NUP54: variants seen among roughly 807,000 people sequenced by gnomAD.
NUP54 encodes nucleoporin 54, also known as nucleoporin p54.
A neutral mutation model predicts 66.4 loss-of-function variants in NUP54; 27 were observed. The observed-to-expected ratio is 0.41, with a 90% CI of 0.30 to 0.56. The LOEUF is 0.56. Ranked by LOEUF, NUP54 falls within the 20% of genes least tolerant of loss-of-function variation. The pLI is 0.34. For synonymous variants in NUP54, 206 were observed against 210.7 expected (o/e 0.98, Z 0.19); for missense variants, 486 against 596.3 (o/e 0.82, Z 1.93).
intron 6 of NUP54, chr4:76,132,314 A>G: frequency 2.9e-6 from 1 of 344,144 alleles, no homozygotes; most frequent in Non-Finnish European, 5.1e-6. Context: ...CTATTTCTCA[A>G]AATTTCTATT....
chr4:76,123,463 C>A (rs896021316), intron 9 of NUP54, among the ~76,000 whole-genome samples: 2 of 152,036 alleles, frequency 1.3e-5, no homozygotes, highest in Non-Finnish European at 2.9e-5. Flanking sequence ...AATAAAACTT[C>A]CTCTGAGTTC....
intron 5 of NUP54, 59 bp downstream of exon 5, chr4:76,134,116 A>G: frequency 8.2e-7 from 1 of 1,219,084 alleles, no homozygotes; most frequent in Non-Finnish European, 1.1e-6. Flanking sequence ...ATTATTGATC[A>G]CTCCCTTAGG....
intron 8 of NUP54, among the ~76,000 whole-genome samples, chr4:76,125,359 C>A (rs34023726): frequency 0.19 from 27,890 of 143,536 alleles, 2,700 homozygotes; most frequent in East Asian, 0.41. Flanking sequence ...CACGGCTGGG[C>A]ACAGTGGGTC....
chr4:76,145,531 A>C, intron 1 of NUP54: 1 of 1,230,502 alleles, frequency 8.1e-7, no homozygotes, highest in Non-Finnish European at 1.0e-6. Flanking sequence ...TAACTTTTCA[A>C]AGGAAGCATA....
intron 5 of NUP54, among the ~76,000 whole-genome samples, chr4:76,133,152 C>T (rs146304758): frequency 0.012 from 1,787 of 151,902 alleles, 31 homozygotes; most frequent in African/African-American, 0.039. Flanking sequence ...CCCACCTTGA[C>T]CTCCCAAAGT....
At chr4:76,145,511 C>T in intron 1 of NUP54, 2 of 1,107,372 alleles carry the variant, frequency 1.8e-6, no homozygotes, top group Non-Finnish European at 2.3e-6. Context: ...TAGTCTCTGT[C>T]AAGACTAAGT....
chr4:76,147,685 G>C, intron 1 of NUP54: 1 of 1,243,660 alleles, frequency 8.0e-7, no homozygotes, highest in Non-Finnish European at 1.0e-6. Flanking sequence ...AAAAGGGGGA[G>C]AGGGAAAAAG....
intron 4 of NUP54, among the ~76,000 whole-genome samples, chr4:76,134,724 C>T (rs1384052701): frequency 8.5e-6 from 1 of 118,124 alleles, no homozygotes; most frequent in Non-Finnish European, 1.7e-5. Context: ...TAATTTATTT[C>T]ACTATACAGA....
chr4:76,145,370 CT>C (rs143546854), intron 1 of NUP54, among the ~76,000 whole-genome samples: 3 of 149,906 alleles, frequency 2.0e-5, no homozygotes, highest in South Asian at 4.2e-4. Flanking sequence ...AATTCAACTA[CT>C]TTTTTTTGCA....
Position 76,118,162 on chromosome 4 carries a change from A to G in NUP54, c.1197T>C (p.Ser399=), listed in dbSNP as rs1479748061. The G allele has an allele frequency of 9.3e-6, 15 of 1,613,396 alleles. No individual in the cohort carries two copies. Among genetic ancestry groups the G allele is most frequent in the Non-Finnish European group, 1.3e-5 (15 of 1,179,492 alleles). The change falls in exon 10 of 12, where the codon AGT becomes AGC. Residue 399 remains serine, a synonymous_variant. Transcript: ENST00000264883. ...CTTCATCAGCCTGAATGGCATAACC[A>G]CTCTTCCTTTGAATTTCCTGTTTGA... ...VLIKQEIQRK[S]GYAIQADEEQ...
At chr4:76,140,433 G>A (rs182080580) in intron 3 of NUP54, among the ~76,000 whole-genome samples, 10 of 151,986 alleles carry the variant, frequency 6.6e-5, no homozygotes, top group African/African-American at 2.2e-4. Context: ...CTACAGGTGT[G>A]CACTACCACG....
intron 9 of NUP54, among the ~76,000 whole-genome samples, chr4:76,120,116 AT>A (rs1730164400): frequency 6.6e-6 from 1 of 152,188 alleles, no homozygotes; most frequent in Non-Finnish European, 1.5e-5. Context: ...CAATGCCATA[AT>A]AAACATTTTT....
chr4:76,125,334 A>ACG (rs1367192536), intron 8 of NUP54, among the ~76,000 whole-genome samples: 6 of 145,442 alleles, frequency 4.1e-5, no homozygotes, highest in African/African-American at 1.2e-4. Flanking sequence ...ACACACACAC[A>ACG]CACACACACA....
At chr4:76,143,960 A>G (rs1245172793) in intron 3 of NUP54, among the ~76,000 whole-genome samples, 189 bp downstream of exon 3, 1 of 152,212 alleles carries the variant, frequency 6.6e-6, no homozygotes, top group Non-Finnish European at 1.5e-5. Flanking sequence ...GGACCTTATA[A>G]TCCTAACTGT....
intron 4 of NUP54, among the ~76,000 whole-genome samples, chr4:76,135,855 C>T: frequency 6.6e-6 from 1 of 152,162 alleles, no homozygotes; most frequent in South Asian, 2.1e-4. Flanking sequence ...GTATACTCTC[C>T]TGGCCAATGT....
Position 76,134,327 on chromosome 4 carries a change from A to C in NUP54, c.558T>G (p.Asp186Glu), listed in dbSNP as rs772666099. The C allele has an allele frequency of 8.3e-5, 134 of 1,613,658 alleles. No homozygotes were observed. Among genetic ancestry groups the C allele is most frequent in the Non-Finnish European group, 1.0e-4 (123 of 1,179,890 alleles). Reference sequence around the variant, plus strand: ...AAACTAAAACCACTAGCCCATCTTCATCTTTATTACTGGGCATGCAACTAT... The same window carrying C: ...AAACTAAAACCACTAGCCCATCTTCCTCTTTATTACTGGGCATGCAACTAT... ...VGYSCMPSNK[D>E]EDGLVVLVFN... Residue 186 changes from aspartate (D) to glutamate (E), a missense_variant, in exon 5 of 12, where the codon GAT (aspartate) becomes GAG (glutamate). Physicochemically the swap from Asp to Glu is conservative, Grantham distance 45. Around this residue, in one of 4 missense-constraint regions of NUP54, gnomAD observed 217 missense variants for 247.9 expected, o/e 0.88. Coordinates refer to ENST00000264883, the MANE Select transcript of NUP54 (RefSeq NM_017426.4).
intron 3 of NUP54, among the ~76,000 whole-genome samples, chr4:76,137,444 AC>A (rs1731084540): frequency 6.6e-6 from 1 of 152,224 alleles, no homozygotes; most frequent in Admixed American, 6.5e-5. Flanking sequence ...TTTTAAAATA[AC>A]CTTTATTGCT....
chr4:76,129,966 GTTTTTTTTTTTTTTTTTT>G lies in NUP54; in HGVS notation c.1056+672_1056+689del, dbSNP rs775109047. Among the ~76,000 whole-genome samples, 33 of 56,866 alleles carry G rather than the reference GTTTTTTTTTTTTTTTTTT, an allele frequency of 5.8e-4. 2 individuals carry two copies. Among genetic ancestry groups the G allele is most frequent in the East Asian group, 2.4e-3 (4 of 1,678 alleles). The allele number at this position is 56,866 out of a possible 152,430, so 37.3% of individuals were successfully genotyped here. A position where few individuals can be genotyped will look rare whatever the true frequency, so the allele number is the denominator to read the frequency against. ...AATCTTTAAGTATTTAATTATGAAA[GTTTTTTTTTTTTTTTTTT>G]TTTTTTTTTTTTTTTTTGAGGAGTC... On this transcript the variant is annotated intron_variant, in intron 8 of 11. Transcript: ENST00000264883.
At chr4:76,126,115 G>A (rs11729695) in intron 8 of NUP54, among the ~76,000 whole-genome samples, 19,972 of 152,030 alleles carry the variant, frequency 0.13, 1,532 homozygotes, top group East Asian at 0.35. Flanking sequence ...CTTGGAGGGA[G>A]TAATCAGAGT....
Sources: gnomAD v4.1 joint callset for allele counts (sites outside exome capture counted in the v4.1 genomes callset) on GRCh38, gnomAD v4.1.1 for gene constraint, gnomAD v4.1.1 regional missense constraint, MANE v1.5 for transcripts, NCBI Gene and HGNC (gene_info 2026-07-23, HGNC 2026-07-21) for gene names.